The following MACROD2 variants were observed in gnomAD, a reference collection of about 807,000 sequenced individuals.
The protein encoded by MACROD2 is ADP-ribose glycohydrolase MACROD2.
A neutral mutation model predicts 70.4 loss-of-function variants in MACROD2; 36 were observed. The observed-to-expected ratio is 0.51, with a 90% CI of 0.39 to 0.68. MACROD2 has a LOEUF of 0.68. Among genes scored for constraint, MACROD2 ranks in the 30% least tolerant of loss-of-function variants. The pLI, the probability that MACROD2 is intolerant of heterozygous loss-of-function variation, is 0.00. For missense variants in MACROD2, 496 were observed against 538.4 expected, an observed-to-expected ratio of 0.92 and a Z score of 0.78; for synonymous variants, 172 against 178.8, an observed-to-expected ratio of 0.96 and a Z score of 0.30.
chr20:14,241,994 A>G (rs937381366), intron 3 of MACROD2, among the ~76,000 whole-genome samples: 1 of 152,132 alleles, frequency 6.6e-6, no homozygotes, highest in African/African-American at 2.4e-5. Flanking sequence ...CATCTTAGTA[A>G]CCTCAGTCAT....
intron 6 of MACROD2, among the ~76,000 whole-genome samples, chr20:15,374,371 A>G (rs1244325840): frequency 2.0e-5 from 3 of 152,064 alleles, no homozygotes; most frequent in Non-Finnish European, 1.5e-5. Flanking sequence ...TGATATGTAT[A>G]TATAATCACT....
chr20:14,009,399 G>A (rs1206522594), intron 2 of MACROD2, among the ~76,000 whole-genome samples: 1 of 152,104 alleles, frequency 6.6e-6, no homozygotes, highest in Non-Finnish European at 1.5e-5. Context: ...TGATGCAAAT[G>A]CAAATCAAAA....
intron 8 of MACROD2, among the ~76,000 whole-genome samples, chr20:15,815,369 TGTG>T (rs2063862165): frequency 6.6e-6 from 1 of 152,128 alleles, no homozygotes; most frequent in Admixed American, 6.6e-5. Flanking sequence ...GCTGAAACTC[TGTG>T]GCATATTTTA....
intron 8 of MACROD2, among the ~76,000 whole-genome samples, chr20:15,622,382 AAGTCAACTTG>A (rs2049139317): frequency 6.6e-6 from 1 of 152,162 alleles, no homozygotes; most frequent in Non-Finnish European, 1.5e-5. Context: ...CAGTTGCCTG[AAGTCAACTTG>A]AGTCCAAAAA....
In MACROD2 at chr20:14,206,099, G is replaced by C. The variant is rs1486863782; in HGVS notation, c.271+120371G>C. 2.0e-5 allele frequency among the ~76,000 whole-genome samples: 3 copies of C among 152,210 alleles called. No homozygotes were observed. The East Asian group carries it at 5.8e-4, about 29-fold the overall frequency. ...CCCCTAGGGGATTTAGCAATGTCGG[G>C]GGGTGGGAGTGGGGTTGTATGCTAT... is the stretch of plus-strand genomic sequence containing the variant. On this transcript the variant is annotated intron_variant, in intron 3 of 17. Transcript: ENST00000684519.
chr20:14,879,341 C>T (rs1156258672), intron 5 of MACROD2, among the ~76,000 whole-genome samples: 1 of 152,136 alleles, frequency 6.6e-6, no homozygotes, highest in East Asian at 1.9e-4. Context: ...AAAAAGTATT[C>T]TTCCAAGTTA....
chr20:14,728,020 T>A (rs112839163), intron 5 of MACROD2, among the ~76,000 whole-genome samples: 2,563 of 152,294 alleles, frequency 0.017, 32 homozygotes, highest in South Asian at 0.026. Context: ...CACTTATCTC[T>A]ATGTTAAACT....
At chr20:16,035,132 T>TAAA (rs2067211403) in intron 15 of MACROD2, among the ~76,000 whole-genome samples, 1 of 1,648 alleles carries the variant, frequency 6.1e-4, no homozygotes, top group Non-Finnish European at 6.8e-3. Context: ...TAAAATATTA[T>TAAA]ATATTATATA....
chr20:15,491,913 C>G (rs2047236376), intron 7 of MACROD2, among the ~76,000 whole-genome samples: 1 of 152,232 alleles, frequency 6.6e-6, no homozygotes, highest in Non-Finnish European at 1.5e-5. Context: ...TATGAATATG[C>G]CATGTTATGT....
intron 5 of MACROD2, among the ~76,000 whole-genome samples, chr20:15,194,814 C>T (rs2076594651): frequency 6.6e-6 from 1 of 152,090 alleles, no homozygotes; most frequent in Non-Finnish European, 1.5e-5. Flanking sequence ...AGGATCCACT[C>T]CAGAGTTACT....
rs1014429937 is a variant in MACROD2, at chr20:14,678,426, G to A, written c.302-6417G>A. Among the ~76,000 whole-genome samples the A allele has an allele frequency of 3.3e-5, 5 of 152,202 alleles. No homozygotes were observed. The East Asian group carries it at 9.6e-4, about 29-fold the overall frequency. On this transcript the variant is annotated intron_variant, in intron 4 of 17. Coordinates refer to ENST00000684519, the MANE Select transcript of MACROD2 (RefSeq NM_001351661.2). ...GTGGTCTTGAAAAATTCTATATATT[G>A]TGGTTCTATTTACTGATGGAGCTTA...
At position 16,041,208 on chromosome 20, in the gene MACROD2, C is replaced by A; in HGVS notation, c.1161C>A (p.Gly387=). The A allele has an allele frequency of 6.2e-7, 1 of 1,611,344 alleles. No individual in the cohort carries two copies. Among genetic ancestry groups the A allele is most frequent in the Non-Finnish European group, 8.5e-7 (1 of 1,178,588 alleles). The part of the protein sequence containing the change: ...QEEKEGEKAP[G]EDTPRMPGKS... ...GGTCTTTTTCTCTTCCAGCTCCAGG[C>A]GAGGACACACCTAGGATGCCTGGGA... Residue 387 remains glycine, a synonymous_variant, in exon 16 of 18, where the codon GGC becomes GGA. Transcript: ENST00000684519.
At position 15,732,763 on chromosome 20, in the gene MACROD2, C is replaced by CTTTT. The variant is rs5840686; in HGVS notation, c.646-129975_646-129972dup. On this transcript the variant is annotated intron_variant, in intron 8 of 17. Transcript: ENST00000684519. Reference sequence around the variant, plus strand: ...AGAAATAGTGGTGTGTAGTTTTCCTCTTTTTTTTTTCTGGGTTTGATATTA... The same window carrying CTTTT: ...AGAAATAGTGGTGTGTAGTTTTCCTCTTTTTTTTTTTTTTCTGGGTTTGATATTA... Among the ~76,000 whole-genome samples, 325 of 147,696 alleles carry CTTTT rather than the reference C, an allele frequency of 2.2e-3. 1 individual carries two copies. Among genetic ancestry groups the CTTTT allele is most frequent in the African/African-American group, 4.0e-3 (162 of 40,670 alleles).
At chr20:15,244,940 C>T (rs997184672) in intron 6 of MACROD2, among the ~76,000 whole-genome samples, 4 of 152,160 alleles carry the variant, frequency 2.6e-5, no homozygotes, top group East Asian at 1.9e-4. Flanking sequence ...TAAGTTATTA[C>T]TTATAAGAGT....
At chr20:14,082,201 T>G (rs1188868029) in intron 2 of MACROD2, among the ~76,000 whole-genome samples, 2 of 97,312 alleles carry the variant, frequency 2.1e-5, no homozygotes, top group Non-Finnish European at 3.8e-5. Flanking sequence ...TTTTTTGAGA[T>G]GTAGTCTCCA....
At chr20:15,533,975 G>T (rs1191299916) in intron 8 of MACROD2, among the ~76,000 whole-genome samples, 1 of 152,188 alleles carries the variant, frequency 6.6e-6, no homozygotes, top group African/African-American at 2.4e-5. Flanking sequence ...CCACTTCTTG[G>T]CTATGACACC....
intron 10 of MACROD2, among the ~76,000 whole-genome samples, chr20:15,916,293 A>T (rs1251175114): frequency 3.3e-5 from 5 of 152,190 alleles, no homozygotes; most frequent in African/African-American, 1.2e-4. Context: ...GCGTGTCCTC[A>T]TGAGATGGCA....
intron 5 of MACROD2, among the ~76,000 whole-genome samples, chr20:14,758,780 C>T (rs1349208191): frequency 2.0e-5 from 3 of 152,090 alleles, no homozygotes; most frequent in Non-Finnish European, 2.9e-5. Flanking sequence ...ATTTCAGTAT[C>T]AGAGATACTT....
chr20:14,855,767 A>G (rs1259651929), intron 5 of MACROD2, among the ~76,000 whole-genome samples: 3 of 151,996 alleles, frequency 2.0e-5, no homozygotes, highest in East Asian at 3.9e-4. Flanking sequence ...AAATTCTCAT[A>G]TAAGAACATG....
Sources: gnomAD v4.1 joint callset for allele counts (sites outside exome capture counted in the v4.1 genomes callset) on GRCh38, gnomAD v4.1.1 for gene constraint, MANE v1.5 for transcripts, NCBI Gene and HGNC (gene_info 2026-07-23, HGNC 2026-07-21) for gene names.